NEK10: variants seen among roughly 807,000 people sequenced by gnomAD.
The protein encoded by NEK10 is serine/threonine-protein kinase Nek10.
In NEK10, 122 loss-of-function variants were observed where a neutral mutation model predicts 159.8. The ratio of observed to expected loss-of-function variants is 0.76; its 90% CI spans 0.66 to 0.89. NEK10 has a LOEUF of 0.89. Among genes scored for constraint, NEK10 ranks in the 40% least tolerant of loss-of-function variants. NEK10 has a pLI of 0.00. For synonymous variants in NEK10, 466 were observed against 457.1 expected (o/e 1.02, Z -0.25); for missense variants, 1,342 against 1,323.1 (o/e 1.01, Z -0.22).
At chr3:27,197,163 T>A (rs1322444977) in intron 25 of NEK10, among the ~76,000 whole-genome samples, 1 of 152,068 alleles carries the variant, frequency 6.6e-6, no homozygotes, top group Non-Finnish European at 1.5e-5. Flanking sequence ...ATCACTCTTT[T>A]TTTTTATTTT....
chr3:27,146,424 C>T (rs1343724752), intron 30 of NEK10, among the ~76,000 whole-genome samples: 2 of 151,850 alleles, frequency 1.3e-5, no homozygotes, highest in African/African-American at 4.8e-5. Flanking sequence ...TTTTGGACAA[C>T]TGGAGAAAAA....
At chr3:27,115,813 T>G in intron 35 of NEK10, 127 bp downstream of exon 35, 1 of 697,056 alleles carries the variant, frequency 1.4e-6, no homozygotes, top group Non-Finnish European at 2.4e-6. Flanking sequence ...AGCCAAGATA[T>G]TTTATAAAAG....
intron 22 of NEK10, among the ~76,000 whole-genome samples, chr3:27,270,254 T>C (rs554681723): frequency 3.3e-4 from 50 of 152,232 alleles, no homozygotes; most frequent in African/African-American, 1.2e-3. Context: ...AGAGGTTATA[T>C]AGAGAAGAGC....
At position 27,266,741 on chromosome 3, in the gene NEK10, G is replaced by A. The variant is rs557135787; in HGVS notation, c.2015-10370C>T. On this transcript the variant is annotated intron_variant, in intron 22 of 35. Transcript: ENST00000691995. ...TCTCTCCTTCGCCAGCTGGCTTGAT[G>A]TAAAGCTTTGTCAGTAGAGGGTGTG... 2.6e-5 allele frequency among the ~76,000 whole-genome samples: 4 copies of A among 152,322 alleles called. 1 individual carries two copies. In the East Asian group the frequency reaches 7.7e-4, roughly 29 times the overall value.
chr3:27,317,618 A>G (rs548265029), intron 6 of NEK10, among the ~76,000 whole-genome samples: 2 of 152,240 alleles, frequency 1.3e-5, no homozygotes, highest in African/African-American at 4.8e-5. Flanking sequence ...TTGCCAATAT[A>G]TTTTTATTAC....
intron 2 of NEK10, 131 bp from the exon 3 acceptor site, chr3:27,352,656 T>C: frequency 1.2e-6 from 1 of 829,032 alleles, no homozygotes; most frequent in Admixed American, 2.2e-5. Flanking sequence ...ACTAAACATT[T>C]TCTTTAGAAC....
intron 23 of NEK10, among the ~76,000 whole-genome samples, chr3:27,217,880 T>A (rs2149133373): frequency 6.6e-6 from 1 of 152,240 alleles, no homozygotes; most frequent in African/African-American, 2.4e-5. Context: ...TATACAAACT[T>A]TTTTCCCTAG....
At chr3:27,157,759 T>A (rs967073953) in intron 30 of NEK10, among the ~76,000 whole-genome samples, 5 of 152,122 alleles carry the variant, frequency 3.3e-5, no homozygotes, top group African/African-American at 1.2e-4. Context: ...CAGAGAAACT[T>A]TTGTGAAAGA....
intron 29 of NEK10, among the ~76,000 whole-genome samples, chr3:27,169,984 T>A (rs1243770583): frequency 6.6e-6 from 1 of 152,168 alleles, no homozygotes; most frequent in Non-Finnish European, 1.5e-5. Context: ...TGTGCCCTTA[T>A]AAGCCTCCCA....
At chr3:27,227,422 A>G (rs375890887) in intron 23 of NEK10, among the ~76,000 whole-genome samples, 1 of 152,202 alleles carries the variant, frequency 6.6e-6, no homozygotes, top group East Asian at 1.9e-4. Flanking sequence ...GCTCATTAGC[A>G]TAAAGGTTAG....
chr3:27,248,329 TC>T (rs1955302790), intron 23 of NEK10, among the ~76,000 whole-genome samples: 1 of 152,114 alleles, frequency 6.6e-6, no homozygotes, highest in African/African-American at 2.4e-5. Context: ...ATTTTGTTGA[TC>T]TTTTGTATTG....
chr3:27,192,268 C>T, intron 25 of NEK10, 26 bp from the exon 26 acceptor site: 9 of 1,565,256 alleles, frequency 5.7e-6, no homozygotes, highest in Non-Finnish European at 7.9e-6. Flanking sequence ...ATAATTATAA[C>T]ACTCTGGTCA....
chr3:27,152,501 T>C (rs1944979872), intron 30 of NEK10, among the ~76,000 whole-genome samples: 1 of 151,976 alleles, frequency 6.6e-6, no homozygotes, highest in Non-Finnish European at 1.5e-5. Flanking sequence ...GAGCTCTAAA[T>C]CTTGAAACAA....
chr3:27,204,298 G>GTTTTTTTTTTTTTTTTTTTTTTTTT (rs1559606061), intron 23 of NEK10, among the ~76,000 whole-genome samples: 2 of 65,522 alleles, frequency 3.1e-5, no homozygotes, highest in Admixed American at 1.8e-4. Flanking sequence ...TTTTTTTGTT[G>GTTTTTTTTTTTTTTTTTTTTTTTTT]TTGTTTTTTT....
At chr3:27,246,438 A>G (rs1431823808) in intron 23 of NEK10, among the ~76,000 whole-genome samples, 1 of 152,156 alleles carries the variant, frequency 6.6e-6, no homozygotes, top group Non-Finnish European at 1.5e-5. Context: ...GTAAATATAT[A>G]GTAGGTGTAT....
intron 18 of NEK10, among the ~76,000 whole-genome samples, chr3:27,290,971 C>A (rs913314713): frequency 2.6e-5 from 4 of 152,182 alleles, no homozygotes; most frequent in Non-Finnish European, 5.9e-5. Context: ...TACTTAGTAG[C>A]ATTTTTTAAT....
chr3:27,129,255 C>T (rs904052309), intron 32 of NEK10, among the ~76,000 whole-genome samples: 2 of 152,128 alleles, frequency 1.3e-5, no homozygotes, highest in African/African-American at 4.8e-5. Context: ...CTGTATCCTT[C>T]TGGGTCTTAG....
chr3:27,366,299 C>G (rs2049080617), intron 1 of NEK10, among the ~76,000 whole-genome samples: 1 of 152,168 alleles, frequency 6.6e-6, no homozygotes, highest in Non-Finnish European at 1.5e-5. Flanking sequence ...CAGTCTGGCT[C>G]CAGAATCTGT....
At chr3:27,196,164 C>T (rs62255258) in intron 25 of NEK10, among the ~76,000 whole-genome samples, 34,632 of 152,066 alleles carry the variant, frequency 0.23, 4,263 homozygotes, top group Middle Eastern at 0.38. Context: ...TCAGACATTG[C>T]ATGGAAAAGC....
Sources: gnomAD v4.1 joint callset for allele counts (sites outside exome capture counted in the v4.1 genomes callset) on GRCh38, gnomAD v4.1.1 for gene constraint, MANE v1.5 for transcripts, NCBI Gene and HGNC (gene_info 2026-07-23, HGNC 2026-07-21) for gene names.